Variants in CDC7 observed in about 807,000 individuals in gnomAD.
CDC7 encodes the protein cell division cycle 7-related protein kinase.
CDC7 carries 34 observed loss-of-function variants against 53.5 expected under a neutral mutation model. That is an observed-to-expected ratio of 0.64 (90% confidence interval 0.48 to 0.85). The LOEUF (loss-of-function observed/expected upper bound fraction) is 0.85. Among genes scored for constraint, CDC7 ranks in the 40% least tolerant of loss-of-function variants. The pLI is 0.00. For synonymous variants in CDC7, 211 were observed against 222.8 expected (o/e 0.95, Z 0.47); for missense variants, 594 against 679.7 (o/e 0.87, Z 1.40).
At chr1:91,513,511 T>C (rs967953097) in intron 7 of CDC7, among the ~76,000 whole-genome samples, 1 of 152,202 alleles carries the variant, frequency 6.6e-6, no homozygotes, top group Non-Finnish European at 1.5e-5. Context: ...AAATTTACTT[T>C]GTCAGTTTAT....
chr1:91,512,130 C>T (rs752429647), intron 6 of CDC7, among the ~76,000 whole-genome samples: 2 of 152,026 alleles, frequency 1.3e-5, no homozygotes, highest in African/African-American at 4.8e-5. Flanking sequence ...ATCTCATATA[C>T]AGTACAGTTT....
At chr1:91,501,859 G>GT (rs1666706551) in intron 2 of CDC7, 28 bp downstream of exon 2, 1 of 1,495,004 alleles carries the variant, frequency 6.7e-7, no homozygotes, top group South Asian at 1.1e-5. Flanking sequence ...AAGATGTACA[G>GT]TTATAAAGAT....
At position 91,524,405 on chromosome 1, in the gene CDC7, G is replaced by A. The variant is rs767851456; in HGVS notation, c.1695G>A (p.Leu565=). 3 of 1,609,630 alleles carry A rather than the reference G, an allele frequency of 1.9e-6. No individual in the cohort carries two copies. Among genetic ancestry groups the A allele is most frequent in the Non-Finnish European group, 2.5e-6 (3 of 1,179,326 alleles). The change falls in exon 12 of 12, where the codon TTG becomes TTA. Residue 565 remains leucine (L), a synonymous_variant. Transcript: ENST00000234626. ...ASRITAEEAL[L]HPFFKDMSL Reference sequence around the variant, plus strand: ...GAATAACAGCAGAAGAAGCTTTGTTGCATCCATTTTTTAAAGATATGAGCT... The same window carrying A: ...GAATAACAGCAGAAGAAGCTTTGTTACATCCATTTTTTAAAGATATGAGCT...
chr1:91,508,576 C>A (rs778380425), intron 4 of CDC7, among the ~76,000 whole-genome samples, 179 bp downstream of exon 4: 8 of 152,144 alleles, frequency 5.3e-5, no homozygotes, highest in Non-Finnish European at 1.0e-4. Flanking sequence ...TATAGTAATT[C>A]TTTTAGATTG....
chr1:91,523,952 CTTTCATG>C (rs1668127091), intron 11 of CDC7, 82 bp from the exon 12 acceptor site: 3 of 963,034 alleles, frequency 3.1e-6, no homozygotes, highest in Admixed American at 2.8e-5. Context: ...TATGTTTGAA[CTTTCATG>C]TTTCTCATGA....
intron 11 of CDC7, among the ~76,000 whole-genome samples, chr1:91,523,819 T>C (rs535779565): frequency 2.0e-5 from 3 of 152,268 alleles, no homozygotes; most frequent in African/African-American, 7.2e-5. Context: ...GCTTTGTACT[T>C]ACTATCTCCC....
intron 4 of CDC7, among the ~76,000 whole-genome samples, chr1:91,510,334 C>T (rs997363992): frequency 6.6e-6 from 1 of 151,862 alleles, no homozygotes; most frequent in Non-Finnish European, 1.5e-5. Flanking sequence ...AAGCCCTTAT[C>T]GTATTCTGTC....
At chr1:91,519,949 T>A (rs994660485) in intron 10 of CDC7, among the ~76,000 whole-genome samples, 181 bp from the exon 11 acceptor site, 5 of 152,206 alleles carry the variant, frequency 3.3e-5, no homozygotes, top group Non-Finnish European at 7.3e-5. Context: ...GGAACTTTTT[T>A]AAAACATTGA....
chr1:91,516,491 T>C (rs13447522), intron 10 of CDC7, among the ~76,000 whole-genome samples: 1,589 of 152,318 alleles, frequency 0.01, 20 homozygotes, highest in South Asian at 0.018. Flanking sequence ...TATTCATTCA[T>C]TGAATGTCTG....
chr1:91,505,903 C>T, intron 2 of CDC7, among the ~76,000 whole-genome samples: 1 of 152,168 alleles, frequency 6.6e-6, no homozygotes, highest in Non-Finnish European at 1.5e-5. Context: ...TCCTCCCTTT[C>T]ACATCTGTTC....
At position 91,516,793 on chromosome 1, in the gene CDC7, G is replaced by A. The variant is rs140708713; in HGVS notation, c.1180+917G>A. Among the ~76,000 whole-genome samples, 43 of 152,286 alleles carry A rather than the reference G, an allele frequency of 2.8e-4. No homozygotes were observed. The East Asian group carries it at 7.3e-3, about 26-fold the overall frequency. On this transcript the variant is annotated intron_variant, in intron 10 of 11. Coordinates refer to ENST00000234626, the MANE Select transcript of CDC7 (RefSeq NM_003503.4). ...AAAAAGTTTCATTTTGGCCAGACGC[G>A]GTGGCTCATGCCTGTAATCCCAGCA... is the stretch of plus-strand genomic sequence containing the variant.
At chr1:91,519,329 T>C (rs1248895028) in intron 10 of CDC7, among the ~76,000 whole-genome samples, 1 of 150,080 alleles carries the variant, frequency 6.7e-6, no homozygotes, top group African/African-American at 2.5e-5. Flanking sequence ...CTCAAGAGGC[T>C]GAAGCATGAG....
intron 2 of CDC7, among the ~76,000 whole-genome samples, chr1:91,505,332 C>G (rs1484852945): frequency 6.6e-6 from 1 of 152,056 alleles, no homozygotes; most frequent in Non-Finnish European, 1.5e-5. Context: ...GATGTGAAAC[C>G]ATTAGAGGTT....
intron 11 of CDC7, 38 bp from the exon 12 acceptor site, chr1:91,524,003 T>G (rs1557604088): frequency 6.6e-7 from 1 of 1,509,168 alleles, no homozygotes. Context: ...TAATAAAATG[T>G]TTTTTTCTGT....
At position 91,512,067 on chromosome 1, in the gene CDC7, T is replaced by C. The variant is rs1571324335; in HGVS notation, c.572+144T>C. 7 of 634,438 alleles carry C rather than the reference T, an allele frequency of 1.1e-5. No individual in the cohort carries two copies. In the East Asian group the frequency reaches 2.0e-4, roughly 18 times the overall value. 39.3% of individuals were successfully genotyped at this position (634,438 alleles called of 1,614,324 possible). On this transcript the variant is annotated intron_variant, in intron 6 of 11. Transcript: ENST00000234626. Reference sequence around the variant, plus strand: ...AGCAAATATTTATCTCAGTTACCCATCTTATTTTTGTTTTTACGGCAAGAG... The same window carrying C: ...AGCAAATATTTATCTCAGTTACCCACCTTATTTTTGTTTTTACGGCAAGAG...
Position 91,501,807 on chromosome 1 carries a change from A to G in CDC7, c.91A>G (p.Asn31Asp). Reference sequence around the variant, plus strand: ...TCAGGCTGAAGGCTCTTTAAAAAAAAACGAGCAGAATTTTAAACTTGCAGG... The same window carrying G: ...TCAGGCTGAAGGCTCTTTAAAAAAAGACGAGCAGAATTTTAAACTTGCAGG... ...RFQAEGSLKK[N>D]EQNFKLAGVK... Residue 31 changes from asparagine to aspartate, a missense_variant, in exon 2 of 12, where the codon AAC becomes GAC. By Grantham distance (23) the Asn-to-Asp change is conservative. Transcript: ENST00000234626. 1.2e-6 allele frequency: 2 copies of G among 1,614,134 alleles called. No individual in the cohort carries two copies. The highest frequency in any genetic ancestry group is 1.1e-5 in the South Asian group (1 of 91,084).
In CDC7 at chr1:91,525,505, A is replaced by G. The variant is rs1004432916; in HGVS notation, c.*1070A>G. On this transcript the variant is annotated 3_prime_UTR_variant, in exon 12 of 12. Transcript: ENST00000234626. ...GTATATATCAATGACAGCATATCAA[A>G]CTTCCTATGGGAAAAAGTCTGGTGG... is the stretch of plus-strand genomic sequence containing the variant. 2 of 152,140 alleles carry G rather than the reference A, an allele frequency of 1.3e-5. No individual in the cohort carries two copies. The highest frequency in any genetic ancestry group is 4.8e-5 in the African/African-American group (2 of 41,458). The allele number at this position is 152,140 out of a possible 1,614,324, so 9.4% of individuals were successfully genotyped here.
At chr1:91,523,028 A>G (rs1571343038) in intron 11 of CDC7, among the ~76,000 whole-genome samples, 2 of 152,204 alleles carry the variant, frequency 1.3e-5, no homozygotes, top group African/African-American at 4.8e-5. Flanking sequence ...CATTTGTGTG[A>G]TTAACTTTTT....
In CDC7 at chr1:91,513,247, TTC is replaced by T. The variant is rs374053923; in HGVS notation, c.764_765del (p.Ser255CysfsTer2). The T allele has an allele frequency of 6.2e-7, 1 of 1,613,390 alleles. No homozygotes were observed. The highest frequency in any genetic ancestry group is 8.5e-7 in the Non-Finnish European group (1 of 1,179,524). On this transcript the variant is annotated frameshift_variant, in exon 7 of 12. Transcript: ENST00000234626. LOFTEE classifies it high-confidence loss of function. ...TGGATCAGCAGTCCACCACAAAAGC[TTC>T]TGTTAAAAGACCCTACACAAATGCA... ...ELDQQSTTKA[S>X]VKRPYTNAQI...
Sources: allele counts gnomAD v4.1 joint callset (sites outside exome capture counted in the v4.1 genomes callset), GRCh38; gene constraint gnomAD v4.1.1; transcripts MANE v1.5; gene names NCBI Gene and HGNC (gene_info 2026-07-23, HGNC 2026-07-21).